PIGQ: variants seen among roughly 807,000 people sequenced by gnomAD.
PIGQ encodes phosphatidylinositol N-acetylglucosaminyltransferase subunit Q.
PIGQ carries 54 observed loss-of-function variants against 60.3 expected under a neutral mutation model. The observed-to-expected ratio is 0.90, with a 90% confidence interval of 0.72 to 1.12. The LOEUF is 1.12. Among genes scored for constraint, PIGQ ranks in the 50% most tolerant of loss-of-function variants. PIGQ has a pLI of 0.00. For missense variants in PIGQ, 799 were observed against 793.5 expected, an observed-to-expected ratio of 1.01 and a Z score of -0.08; for synonymous variants, 416 against 363.7, an observed-to-expected ratio of 1.14 and a Z score of -1.64.
At position 581,268 on chromosome 16, in the gene PIGQ, G is replaced by A. The variant is rs562073792; in HGVS notation, c.1531+296G>A. 7 of 1,364,682 alleles carry A rather than the reference G, an allele frequency of 5.1e-6. No individual in the cohort carries two copies. The Admixed American group carries it at 1.7e-4, about 33-fold the overall frequency. 84.5% of individuals were successfully genotyped at this position (1,364,682 alleles called of 1,614,324 possible). On this transcript the variant is annotated intron_variant, in intron 9 of 10. Coordinates refer to ENST00000321878, the MANE Select transcript of PIGQ (RefSeq NM_004204.5). ...GCCTTGGGATTTTCTGGGCTTGGGAGTCTGAACTGCAGGCCAGGGGCCAAG... is the reference window on the plus strand; with the variant it reads ...GCCTTGGGATTTTCTGGGCTTGGGAATCTGAACTGCAGGCCAGGGGCCAAG...
In PIGQ at chr16:574,294, G is replaced by A. The variant is rs776641714; in HGVS notation, c.220G>A (p.Glu74Lys). The A allele has an allele frequency of 1.5e-5, 24 of 1,606,370 alleles. No individual in the cohort carries two copies. Among genetic ancestry groups the A allele is most frequent in the East Asian group, 2.2e-5 (1 of 44,788 alleles). The change falls in exon 2 of 11, where the codon GAG becomes AAG. Residue 74 changes from glutamate (E) to lysine (K), a missense_variant. Coordinates refer to ENST00000321878, the MANE Select transcript of PIGQ (RefSeq NM_004204.5). ...CTGGTGCCACTGCCGGCAGGAGCCC[G>A]AGGAGAGCCTGGGCCGCTTCCTGGA... is the stretch of plus-strand genomic sequence containing the variant. ...GTWCHCRQEP[E>K]ESLGRFLESL...
At position 578,787 on chromosome 16, in the gene PIGQ, T is replaced by C; in HGVS notation, c.1072T>C (p.Tyr358His). Residue 358 changes from tyrosine (Y) to histidine (H), a missense_variant and splice_region_variant, in exon 6 of 11, where the codon TAC becomes CAC. Transcript: ENST00000321878. Reference sequence around the variant, plus strand: ...GAGGGCCTACCCCACCCTGCCAGGCTACATCCACCTCATGTCCCCCTTCGT... The same window carrying C: ...GAGGGCCTACCCCACCCTGCCAGGCCACATCCACCTCATGTCCCCCTTCGT... ...FLYHIHLWISYIHLMSPFVEH... is the reference protein window; with the variant it reads ...FLYHIHLWISHIHLMSPFVEH... 3.1e-6 allele frequency: 5 copies of C among 1,613,186 alleles called. No homozygotes were observed. The highest frequency in any genetic ancestry group is 2.7e-5 in the African/African-American group (2 of 75,064).
At position 574,399 on chromosome 16, in the gene PIGQ, G is replaced by A. The variant is rs767785877; in HGVS notation, c.325G>A (p.Ala109Thr). The A allele has an allele frequency of 2.7e-5, 43 of 1,610,366 alleles. No homozygotes were observed. The South Asian group carries it at 4.7e-4, about 18-fold the overall frequency. Residue 109 changes from alanine (A) to threonine (T), a missense_variant, in exon 2 of 11, where the codon GCC becomes ACC. Physicochemically the swap from Ala to Thr is moderately conservative, Grantham distance 58. Coordinates refer to ENST00000321878, the MANE Select transcript of PIGQ (RefSeq NM_004204.5). ...ERGGTFWSCEATHRQAPTAPG... is the reference protein window; with the variant it reads ...ERGGTFWSCETTHRQAPTAPG... Reference sequence around the variant, plus strand: ...AGGCGGCACGTTCTGGAGCTGCGAGGCCACCCACCGGCAAGCGCCCACTGC... The same window carrying A: ...AGGCGGCACGTTCTGGAGCTGCGAGACCACCCACCGGCAAGCGCCCACTGC...
intron 1 of PIGQ, among the ~76,000 whole-genome samples, chr16:570,939 A>G (rs2035607565): frequency 6.6e-6 from 1 of 152,066 alleles, no homozygotes; most frequent in Admixed American, 6.5e-5. Flanking sequence ...TTACTACTTT[A>G]TATGGTCGAC....
rs57737314 is a variant in PIGQ, at chr16:570,318, T to G, written c.-10+222T>G. On this transcript the variant is annotated intron_variant, in intron 1 of 10. Transcript: ENST00000321878. ...TGTGGGCCCTTCGCAGTTGTCCCGG[T>G]TTGCAGGAAAGGGCAAAAAACGGAA... 985 of 152,288 alleles carry G rather than the reference T, an allele frequency of 6.5e-3. 10 individuals carry two copies. Among genetic ancestry groups the G allele is most frequent in the African/African-American group, 0.022 (932 of 41,562 alleles). The allele number at this position is 152,288 out of a possible 1,614,324, so 9.4% of individuals were successfully genotyped here. A position where few individuals can be genotyped will look rare whatever the true frequency, so the allele number is the denominator to read the frequency against.
chr16:578,989 C>G, intron 6 of PIGQ, 51 bp downstream of exon 6: 6 of 1,229,216 alleles, frequency 4.9e-6, no homozygotes, highest in Non-Finnish European at 6.4e-6. Context: ...TGCAGAGGCT[C>G]CGGCTGGGCG....
At chr16:574,885 C>A in intron 2 of PIGQ, 122 bp downstream of exon 2, 1 of 757,204 alleles carries the variant, frequency 1.3e-6, no homozygotes, top group East Asian at 2.7e-5. Context: ...CCCCCTCCCA[C>A]TCCTGCAGCC....
At chr16:579,015 C>A in intron 6 of PIGQ, 54 bp from the exon 7 acceptor site, 6 of 305,124 alleles carry the variant, frequency 2.0e-5, no homozygotes, top group Non-Finnish European at 2.9e-5. Context: ...TCGAGTGGGG[C>A]GGGGGCGGGG....
At chr16:576,275 C>T in intron 4 of PIGQ, 21 bp downstream of exon 4, 1 of 1,550,336 alleles carries the variant, frequency 6.5e-7, no homozygotes, top group Non-Finnish European at 8.7e-7. Flanking sequence ...TGGGGTGGAG[C>T]CCGGTGTCCC....
chr16:576,730 T>A, intron 4 of PIGQ: 1 of 407,040 alleles, frequency 2.5e-6, no homozygotes, highest in Admixed American at 4.0e-5. Context: ...ACAGCTTGTC[T>A]CCCATCTCCC....
At chr16:578,171 CAGAG>C (rs1206843824) in intron 4 of PIGQ, 2 of 544,852 alleles carry the variant, frequency 3.7e-6, no homozygotes, top group Non-Finnish European at 6.5e-6. Context: ...CCCAGGCCTG[CAGAG>C]AGAGGCCTCC....
chr16:575,844 TCA>T lies in PIGQ; in HGVS notation c.696_697del (p.Phe232LeufsTer82), dbSNP rs750657938. 6.4e-7 allele frequency: 1 copy of T among 1,564,218 alleles called. No individual in the cohort carries two copies. The highest frequency in any genetic ancestry group is 8.7e-7 in the Non-Finnish European group (1 of 1,153,892). ...TCCTCTCCACTCCCACGCAGAGTGT[TCA>T]AGCTCTGGCCCCTGTCCTTCCTCGG... On this transcript the variant is annotated frameshift_variant, in exon 3 of 11. Coordinates refer to ENST00000321878, the MANE Select transcript of PIGQ (RefSeq NM_004204.5). LOFTEE classifies it high-confidence loss of function.
chr16:579,293 A>C (rs2035774960), intron 7 of PIGQ, 113 bp downstream of exon 7: 1 of 782,600 alleles, frequency 1.3e-6, no homozygotes, highest in South Asian at 1.6e-5. Context: ...CCTGCAGCTG[A>C]GGCCGCGCAC....
chr16:579,362 C>T (rs1425090104), intron 7 of PIGQ, 182 bp downstream of exon 7: 10 of 609,416 alleles, frequency 1.6e-5, no homozygotes, highest in Non-Finnish European at 2.0e-5. Flanking sequence ...TGAAGCAGCG[C>T]AGAGCTTCCC....
chr16:582,004 C>T (rs1264352115), intron 9 of PIGQ: 25 of 575,792 alleles, frequency 4.3e-5, no homozygotes, highest in African/African-American at 9.3e-5. Context: ...CCTCATGATC[C>T]GCCCACCTCC....
chr16:579,862 G>C (rs2035784912), intron 7 of PIGQ: 2 of 221,640 alleles, frequency 9.0e-6, no homozygotes, highest in Non-Finnish European at 1.8e-5. Context: ...TCGGAGACTA[G>C]AGTTGCCCGG....
At chr16:574,009 G>A in intron 1 of PIGQ, 57 bp from the exon 2 acceptor site, 1 of 1,289,404 alleles carries the variant, frequency 7.8e-7, no homozygotes, top group Non-Finnish European at 1.1e-6. Flanking sequence ...ACATCCCGCA[G>A]CCCACGGTGG....
rs778030845 is a variant in PIGQ at position 583,720 on chromosome 16, G to C, written c.*685G>C. 29 of 1,473,800 alleles carry C rather than the reference G, an allele frequency of 2.0e-5. No individual in the cohort carries two copies. In the South Asian group the frequency reaches 3.2e-4, roughly 16 times the overall value. 91.3% of individuals were successfully genotyped at this position (1,473,800 alleles called of 1,614,324 possible). ...TGTCAAGGGCCCGCCCACTGACCCA[G>C]CCGTACCTATTCGTCCACGGTGCCC... On this transcript the variant is annotated 3_prime_UTR_variant, in exon 11 of 11. Coordinates refer to ENST00000321878, the MANE Select transcript of PIGQ (RefSeq NM_004204.5).
chr16:575,651 G>A (rs895164230), intron 2 of PIGQ, among the ~76,000 whole-genome samples, 188 bp from the exon 3 acceptor site: 2 of 152,176 alleles, frequency 1.3e-5, no homozygotes, highest in Non-Finnish European at 2.9e-5. Flanking sequence ...TGTTAGTCAC[G>A]TGCACTGTGA....
Sources: gnomAD v4.1 joint callset for allele counts (sites outside exome capture counted in the v4.1 genomes callset) on GRCh38, gnomAD v4.1.1 for gene constraint, MANE v1.5 for transcripts, NCBI Gene and HGNC (gene_info 2026-07-23, HGNC 2026-07-21) for gene names.